MCTP2: variants seen among roughly 807,000 people sequenced by gnomAD.
MCTP2 encodes the protein multiple C2 and transmembrane domain-containing protein 2.
MCTP2 carries 132 observed loss-of-function variants against 111.6 expected under a neutral mutation model. The ratio of observed to expected loss-of-function variants is 1.18; its 90% CI spans 1.03 to 1.37. The LOEUF (loss-of-function observed/expected upper bound fraction) is 1.37. Among genes scored for constraint, MCTP2 ranks in the 40% most tolerant of loss-of-function variants. The pLI, the probability that MCTP2 is intolerant of heterozygous loss-of-function variation, is 0.00. For synonymous variants in MCTP2, 395 were observed against 387.7 expected, an observed-to-expected ratio of 1.02 and a Z score of -0.22; for missense variants, 1,183 against 1,067.9, an observed-to-expected ratio of 1.11 and a Z score of -1.50.
At chr15:94,267,869 C>CTTTCTTTTTTTTTTTTTTTTTTTTT (rs1555443740) in intron 1 of MCTP2, among the ~76,000 whole-genome samples, 3 of 77,454 alleles carry the variant, frequency 3.9e-5, no homozygotes, top group African/African-American at 1.7e-4. Flanking sequence ...CCTTTTCTTT[C>CTTTCTTTTTTTTTTTTTTTTTTTTT]TTTTTTTTTT....
chr15:94,398,420 A>G (rs1451518977), intron 14 of MCTP2, among the ~76,000 whole-genome samples: 2 of 152,216 alleles, frequency 1.3e-5, no homozygotes, highest in Non-Finnish European at 2.9e-5. Flanking sequence ...ATATACTACC[A>G]TAATACATTT....
intron 2 of MCTP2, among the ~76,000 whole-genome samples, chr15:94,306,796 T>G (rs1186204926): frequency 6.6e-6 from 1 of 152,002 alleles, no homozygotes; most frequent in Non-Finnish European, 1.5e-5. Context: ...GTGAGTTGAG[T>G]GATTTAGAGA....
intron 14 of MCTP2, among the ~76,000 whole-genome samples, chr15:94,394,073 T>A (rs11629780): frequency 0.43 from 52,524 of 122,214 alleles, 12,024 homozygotes; most frequent in Non-Finnish European, 0.55. Flanking sequence ...AAAAAAAAAA[T>A]GTAAAAAACG....
At chr15:94,249,266 A>G (rs969157924) in intron 1 of MCTP2, among the ~76,000 whole-genome samples, 3 of 152,204 alleles carry the variant, frequency 2.0e-5, no homozygotes, top group Admixed American at 6.5e-5. Context: ...TGGCTGTTGA[A>G]TAAGAACTAA....
At chr15:94,341,241 G>T (rs565643529) in intron 7 of MCTP2, 1 of 308,198 alleles carries the variant, frequency 3.2e-6, no homozygotes, top group East Asian at 7.4e-5. Flanking sequence ...CTTTTGGGAA[G>T]ATACAAATTT....
At chr15:94,431,559 T>A (rs1166849168) in intron 17 of MCTP2, among the ~76,000 whole-genome samples, 2 of 152,224 alleles carry the variant, frequency 1.3e-5, no homozygotes, top group Non-Finnish European at 2.9e-5. Context: ...GGTATAGTGA[T>A]ATGTAAGACA....
At position 94,367,684 on chromosome 15, in the gene MCTP2, C is replaced by T; in HGVS notation, c.1381C>T (p.Leu461Phe). The part of the protein sequence containing the change: ...ELPLDSCLGA[L>F]LMLVTLTPCA... ...GCCACTGGACAGCTGTCTGGGGGCT[C>T]TCCTTATGTTGGTCACACTTACACC... The change falls in exon 11 of 23, where the codon CTC becomes TTC. Residue 461 changes from leucine (L) to phenylalanine (F), a missense_variant. By Grantham distance (22) the Leu-to-Phe change is conservative. Coordinates refer to ENST00000357742, the MANE Select transcript of MCTP2 (RefSeq NM_001385001.1). 2.5e-6 allele frequency: 4 copies of T among 1,612,166 alleles called. No individual in the cohort carries two copies. Among genetic ancestry groups the T allele is most frequent in the East Asian group, 2.2e-5 (1 of 44,654 alleles).
intron 4 of MCTP2, among the ~76,000 whole-genome samples, chr15:94,329,305 G>A (rs74028548): frequency 0.036 from 5,477 of 152,102 alleles, 329 homozygotes; most frequent in African/African-American, 0.12. Flanking sequence ...TTTATTACAT[G>A]TATTTAAGGC....
At chr15:94,382,148 A>G (rs1332931124) in intron 12 of MCTP2, among the ~76,000 whole-genome samples, 3 of 152,202 alleles carry the variant, frequency 2.0e-5, no homozygotes, top group African/African-American at 7.2e-5. Flanking sequence ...TAGAGAATTC[A>G]TATTGGAAGT....
chr15:94,342,936 GTATA>G (rs10533083), intron 7 of MCTP2: 1 of 149,212 alleles, frequency 6.7e-6, no homozygotes, highest in Non-Finnish European at 1.5e-5. Context: ...GTATGTGTGT[GTATA>G]TATATATGGA....
chr15:94,314,487 G>A, intron 3 of MCTP2, 143 bp downstream of exon 3: 2 of 616,990 alleles, frequency 3.2e-6, no homozygotes, highest in Non-Finnish European at 5.7e-6. Flanking sequence ...ACCAGGCCTT[G>A]CAAATTTTCG....
intron 1 of MCTP2, among the ~76,000 whole-genome samples, chr15:94,238,341 T>C (rs770654152): frequency 6.6e-6 from 1 of 152,170 alleles, no homozygotes; most frequent in Non-Finnish European, 1.5e-5. Context: ...CATTTTAAAT[T>C]AATGTATATC....
intron 1 of MCTP2, among the ~76,000 whole-genome samples, chr15:94,263,914 T>C (rs909821417): frequency 6.6e-6 from 1 of 152,224 alleles, no homozygotes; most frequent in Non-Finnish European, 1.5e-5. Flanking sequence ...GCTTTCAAAT[T>C]GTCAGCTGAA....
chr15:94,370,656 G>T (rs1177819639), intron 12 of MCTP2, among the ~76,000 whole-genome samples: 2 of 152,124 alleles, frequency 1.3e-5, no homozygotes, highest in Non-Finnish European at 2.9e-5. Flanking sequence ...AGTTGACATT[G>T]TCTTATAGGA....
intron 4 of MCTP2, among the ~76,000 whole-genome samples, chr15:94,333,126 T>C (rs1437404034): frequency 6.6e-6 from 1 of 152,114 alleles, no homozygotes; most frequent in South Asian, 2.1e-4. Context: ...TCCCAGCTAC[T>C]TGGGAGTCTG....
At chr15:94,348,197 A>G (rs114902389) in intron 8 of MCTP2, among the ~76,000 whole-genome samples, 1,938 of 151,232 alleles carry the variant, frequency 0.013, 32 homozygotes, top group African/African-American at 0.042. Context: ...ATATTCTTTT[A>G]TTTTGGTTCC....
intron 7 of MCTP2, chr15:94,341,294 A>G: frequency 5.1e-6 from 1 of 195,070 alleles, no homozygotes; most frequent in Non-Finnish European, 1.1e-5. Flanking sequence ...TAGTTGATAC[A>G]GTACCTATCA....
chr15:94,233,780 A>C (rs1163956395), intron 1 of MCTP2, among the ~76,000 whole-genome samples: 1 of 152,240 alleles, frequency 6.6e-6, no homozygotes, highest in Non-Finnish European at 1.5e-5. Flanking sequence ...TTTCAAATTA[A>C]AATTATTATA....
intron 1 of MCTP2, among the ~76,000 whole-genome samples, chr15:94,280,157 A>G (rs542386641): frequency 6.0e-4 from 92 of 152,240 alleles, no homozygotes; most frequent in Admixed American, 1.8e-3. Flanking sequence ...AATAATTTCA[A>G]TAGGATTGGT....
Sources: allele counts gnomAD v4.1 joint callset (sites outside exome capture counted in the v4.1 genomes callset), GRCh38; gene constraint gnomAD v4.1.1; transcripts MANE v1.5; gene names NCBI Gene and HGNC (gene_info 2026-07-23, HGNC 2026-07-21).